XKR6: variants seen among roughly 807,000 people sequenced by gnomAD.
The protein encoded by XKR6 is XK-related protein 6.
Under a neutral mutation model 56.7 loss-of-function variants are expected in XKR6, and 22 were observed. The ratio of observed to expected loss-of-function variants is 0.39; its 90% CI spans 0.28 to 0.55. XKR6 has a LOEUF of 0.55. Among genes scored for constraint, XKR6 ranks in the 20% least tolerant of loss-of-function variants. The pLI, the probability that XKR6 is intolerant of heterozygous loss-of-function variation, is 0.66. For synonymous variants in XKR6, 524 were observed against 387.8 expected (o/e 1.35, Z -4.13); for missense variants, 852 against 889.0 (o/e 0.96, Z 0.53).
intron 1 of XKR6, among the ~76,000 whole-genome samples, chr8:11,190,135 C>A (rs1160852139): frequency 8.2e-5 from 11 of 133,586 alleles, no homozygotes; most frequent in Non-Finnish European, 1.4e-4. Flanking sequence ...CCAGCCTGGG[C>A]AACAAGAGTG....
intron 1 of XKR6, among the ~76,000 whole-genome samples, chr8:11,101,209 T>C (rs1203907065): frequency 6.6e-6 from 1 of 152,236 alleles, no homozygotes; most frequent in Non-Finnish European, 1.5e-5. Flanking sequence ...GCAGAAATTA[T>C]ACACGAGAGT....
At chr8:11,071,541 T>C (rs76483635) in intron 1 of XKR6, among the ~76,000 whole-genome samples, 806 of 70,626 alleles carry the variant, frequency 0.011, 6 homozygotes, top group African/African-American at 0.025. Flanking sequence ...GCCCCGAGTC[T>C]ATGAGCCCCG....
At position 10,898,406 on chromosome 8, in the gene XKR6, A is replaced by G; in HGVS notation, c.1472T>C (p.Met491Thr). The G allele has an allele frequency of 6.2e-7, 1 of 1,614,118 alleles. No homozygotes were observed. Among genetic ancestry groups the G allele is most frequent in the East Asian group, 2.2e-5 (1 of 44,876 alleles). The change falls in exon 3 of 3, where the codon ATG becomes ACG. Residue 491 changes from methionine (M) to threonine (T), a missense_variant. Met to Thr is a moderately conservative substitution (Grantham distance 81). Around this residue, in one of 4 missense-constraint regions of XKR6, gnomAD observed 197 missense variants for 190.9 expected, o/e 1.03. Coordinates refer to ENST00000416569, the MANE Select transcript of XKR6 (RefSeq NM_173683.4). The surrounding 1 kb of genome is among the most constrained non-coding windows in gnomAD (Gnocchi z 6.6). ...FISFVAGIAM[M>T]LLYYGVLHPT... ...ATGCAGCACGCCATAGTATAAGAGC[A>G]TCATTGCGATCCCAGCCACAAAGCT...
intron 1 of XKR6, among the ~76,000 whole-genome samples, chr8:10,962,020 G>C (rs1261908062): frequency 6.6e-6 from 1 of 152,166 alleles, no homozygotes; most frequent in Non-Finnish European, 1.5e-5. Flanking sequence ...GGGCATGAAA[G>C]CACCTTCTCC....
At chr8:11,119,874 G>C in intron 1 of XKR6, among the ~76,000 whole-genome samples, 1 of 152,142 alleles carries the variant, frequency 6.6e-6, no homozygotes, top group Non-Finnish European at 1.5e-5. Context: ...TGCAAGGCTG[G>C]TTCAACATAC....
intron 1 of XKR6, among the ~76,000 whole-genome samples, chr8:11,187,432 C>T: frequency 6.6e-6 from 1 of 152,296 alleles, no homozygotes; most frequent in Middle Eastern, 3.4e-3. Flanking sequence ...AAAAACATGT[C>T]AGAACTGCTG....
intron 1 of XKR6, among the ~76,000 whole-genome samples, chr8:11,089,010 G>A (rs1036056223): frequency 6.6e-6 from 1 of 152,170 alleles, no homozygotes; most frequent in African/African-American, 2.4e-5. Flanking sequence ...GCTTTGAAAG[G>A]GGTGTCATAT....
intron 1 of XKR6, among the ~76,000 whole-genome samples, chr8:10,969,294 G>A (rs932221798): frequency 2.0e-5 from 3 of 152,126 alleles, no homozygotes; most frequent in Non-Finnish European, 4.4e-5. Context: ...GCCACCCACC[G>A]TGTTGCTTTG....
chr8:11,187,592 A>T (rs945175660), intron 1 of XKR6, among the ~76,000 whole-genome samples: 1 of 152,180 alleles, frequency 6.6e-6, no homozygotes, highest in Non-Finnish European at 1.5e-5. Flanking sequence ...ATTTTTTCAC[A>T]AATAATGAGA....
At chr8:11,077,062 G>C (rs1284864037) in intron 1 of XKR6, among the ~76,000 whole-genome samples, 2 of 151,690 alleles carry the variant, frequency 1.3e-5, no homozygotes, top group African/African-American at 4.9e-5. Flanking sequence ...GTAGTCCCAA[G>C]CTACTCAAGA....
chr8:11,147,103 A>C (rs1586614097), intron 1 of XKR6, among the ~76,000 whole-genome samples: 1 of 151,770 alleles, frequency 6.6e-6, no homozygotes, highest in East Asian at 1.9e-4. Context: ...TAATAATAAT[A>C]ATAATAATAA....
intron 1 of XKR6, chr8:11,105,833 T>C (rs1586551756): frequency 6.6e-6 from 1 of 152,216 alleles, no homozygotes; most frequent in Non-Finnish European, 1.5e-5. Context: ...GGACCCTGTT[T>C]ACAACATTTT....
At chr8:11,134,190 C>T (rs763078371) in intron 1 of XKR6, among the ~76,000 whole-genome samples, 7 of 152,152 alleles carry the variant, frequency 4.6e-5, no homozygotes, top group Non-Finnish European at 7.3e-5. Context: ...CTTACCTTCT[C>T]CTCTATGTCC....
intron 1 of XKR6, chr8:11,108,798 G>C (rs1385829375): frequency 6.0e-6 from 1 of 167,184 alleles, no homozygotes; most frequent in Admixed American, 6.3e-5. Flanking sequence ...CTGGATTGGG[G>C]CTTCCTGACA....
At position 11,200,699 on chromosome 8, in the gene XKR6, C is replaced by T; in HGVS notation, c.641G>A (p.Gly214Asp). 6.4e-7 allele frequency: 1 copy of T among 1,574,678 alleles called. No individual in the cohort carries two copies. Among genetic ancestry groups the T allele is most frequent in the Non-Finnish European group, 8.6e-7 (1 of 1,168,106 alleles). ...CACGCCTGGGCCACCGCGGGCCGCG[C>T]CGTGGACGTAGCCGGCCCCCATCAT... is the stretch of plus-strand genomic sequence containing the variant. The part of the protein sequence containing the change: ...PPMMGAGYVH[G>D]AARGGPGVRV... Residue 214 changes from glycine (G) to aspartate (D), a missense_variant, in exon 1 of 3, where the codon GGC becomes GAC. Coordinates refer to ENST00000416569, the MANE Select transcript of XKR6 (RefSeq NM_173683.4). The surrounding 1 kb of genome is among the most constrained non-coding windows in gnomAD (Gnocchi z 6.4).
At chr8:11,144,003 G>C (rs1330334818) in intron 1 of XKR6, among the ~76,000 whole-genome samples, 2 of 151,916 alleles carry the variant, frequency 1.3e-5, no homozygotes, top group Non-Finnish European at 2.9e-5. Flanking sequence ...TGTGTCCCTG[G>C]GGTCTCTCCC....
At chr8:11,138,817 T>C (rs1800531669) in intron 1 of XKR6, among the ~76,000 whole-genome samples, 1 of 152,156 alleles carries the variant, frequency 6.6e-6, no homozygotes, top group African/African-American at 2.4e-5. Context: ...TTATTTGAAA[T>C]GTTCTATATT....
At chr8:11,188,243 T>A (rs117913005) in intron 1 of XKR6, among the ~76,000 whole-genome samples, 1 of 152,198 alleles carries the variant, frequency 6.6e-6, no homozygotes, top group Non-Finnish European at 1.5e-5. Context: ...CATTTAATCA[T>A]AAAGGCCTGC....
At chr8:10,977,112 C>G (rs557315660) in intron 1 of XKR6, among the ~76,000 whole-genome samples, 1 of 152,292 alleles carries the variant, frequency 6.6e-6, no homozygotes, top group Non-Finnish European at 1.5e-5. Flanking sequence ...CTCTGCATCC[C>G]CAAGAGACCT....
Sources: gnomAD v4.1 joint callset for allele counts (sites outside exome capture counted in the v4.1 genomes callset) on GRCh38, gnomAD v4.1.1 for gene constraint, gnomAD v4.1.1 regional missense constraint, Gnocchi (gnomAD v3.1) non-coding constraint, MANE v1.5 for transcripts, NCBI Gene and HGNC (gene_info 2026-07-23, HGNC 2026-07-21) for gene names.